Variants in SH3BGR observed in about 807,000 individuals in gnomAD.
The protein encoded by SH3BGR is SH3 domain-binding glutamic acid-rich protein.
Under a neutral mutation model 24.5 loss-of-function variants are expected in SH3BGR, and 29 were observed. That is an observed-to-expected ratio of 1.18 (90% CI 0.88 to 1.61). The LOEUF (loss-of-function observed/expected upper bound fraction) is 1.61. Ranked by LOEUF, SH3BGR falls within the 40% of genes most tolerant of loss-of-function variation. SH3BGR has a pLI of 0.00. For missense variants in SH3BGR, 162 were observed against 205.8 expected, an observed-to-expected ratio of 0.79 and a Z score of 1.30; for synonymous variants, 55 against 65.7, an observed-to-expected ratio of 0.84 and a Z score of 0.79.
intron 4 of SH3BGR, 77 bp from the exon 5 acceptor site, chr21:39,508,921 T>G: frequency 9.1e-7 from 1 of 1,098,750 alleles, no homozygotes; most frequent in Admixed American, 1.9e-5. Flanking sequence ...TTTATTATAG[T>G]TTGCTTGATT....
At chr21:39,480,921 G>T (rs2078119486) in intron 3 of SH3BGR, among the ~76,000 whole-genome samples, 1 of 152,162 alleles carries the variant, frequency 6.6e-6, no homozygotes. Context: ...AATGAATGTG[G>T]TATCTTATTT....
At chr21:39,465,846 C>T (rs184111683) in intron 2 of SH3BGR, among the ~76,000 whole-genome samples, 1 of 152,288 alleles carries the variant, frequency 6.6e-6, no homozygotes, top group African/African-American at 2.4e-5. Context: ...CCCATCTTGC[C>T]TCCCGTAGTG....
chr21:39,451,795 TCG>T (rs2077577909), upstream of SH3BGR: 1 of 1,134,446 alleles, frequency 8.8e-7, no homozygotes, highest in African/African-American at 1.6e-5. Flanking sequence ...GGGACTGTTG[TCG>T]CGCGTTTAAA....
At chr21:39,475,394 C>G (rs893643471) in intron 3 of SH3BGR, among the ~76,000 whole-genome samples, 179 bp downstream of exon 3, 2 of 152,114 alleles carry the variant, frequency 1.3e-5, no homozygotes, top group Non-Finnish European at 2.9e-5. Context: ...AAAAAAAGTT[C>G]CAAAATTATG....
chr21:39,502,819 T>C (rs1307164761), intron 4 of SH3BGR, among the ~76,000 whole-genome samples: 3 of 152,220 alleles, frequency 2.0e-5, no homozygotes. Flanking sequence ...TGGCTGGCCT[T>C]CTGACCGCGG....
intron 4 of SH3BGR, among the ~76,000 whole-genome samples, chr21:39,502,753 C>T (rs2056638264): frequency 6.6e-6 from 1 of 152,198 alleles, no homozygotes; most frequent in Admixed American, 6.5e-5. Context: ...TGCTGTCTGT[C>T]CCTTGGCATG....
At chr21:39,451,170 T>C (rs1273077200), upstream of SH3BGR, among the ~76,000 whole-genome samples, 2 of 152,200 alleles carry the variant, frequency 1.3e-5, no homozygotes, top group Non-Finnish European at 2.9e-5. Context: ...TATTAACATG[T>C]ATAAACACAA....
rs151253630 is a variant in SH3BGR at position 39,507,124 on chromosome 21, G to A, written c.406-1874G>A. On this transcript the variant is annotated intron_variant, in intron 4 of 6. Transcript: ENST00000333634. ...ACCAAAACTTGGGGTGTCACCAGTGGCATTTAACGTAAAGGTTAGTTTGAA... is the reference window on the plus strand; with the variant it reads ...ACCAAAACTTGGGGTGTCACCAGTGACATTTAACGTAAAGGTTAGTTTGAA... Among the ~76,000 whole-genome samples the A allele has an allele frequency of 2.2e-3, 339 of 152,290 alleles. 2 individuals carry two copies. Among genetic ancestry groups the A allele is most frequent in the African/African-American group, 8.0e-3 (331 of 41,566 alleles).
At chr21:39,462,141 A>T (rs965780344) in intron 1 of SH3BGR, among the ~76,000 whole-genome samples, 15 of 152,088 alleles carry the variant, frequency 9.9e-5, no homozygotes, top group Admixed American at 2.0e-4. Context: ...GAGCCATCGC[A>T]CCCAGCCTGA....
intron 1 of SH3BGR, 82 bp downstream of exon 1, chr21:39,452,223 G>GTT (rs2077586677): frequency 1.9e-6 from 3 of 1,563,054 alleles, no homozygotes; most frequent in East Asian, 4.5e-5. Flanking sequence ...TTGGCCTTCA[G>GTT]TTTCTTTTTT....
chr21:39,494,994 AT>A (rs1005478876), intron 3 of SH3BGR, among the ~76,000 whole-genome samples: 2 of 151,302 alleles, frequency 1.3e-5, no homozygotes, highest in Non-Finnish European at 3.0e-5. Context: ...CAGTCTAGTA[AT>A]TTTTTTATTT....
At chr21:39,507,441 C>T (rs2078602186) in intron 4 of SH3BGR, among the ~76,000 whole-genome samples, 1 of 152,140 alleles carries the variant, frequency 6.6e-6, no homozygotes, top group Non-Finnish European at 1.5e-5. Flanking sequence ...TCAAGCGATT[C>T]TCCTGCCTCA....
chr21:39,471,811 G>C (rs74965538), intron 2 of SH3BGR, among the ~76,000 whole-genome samples: 1 of 152,024 alleles, frequency 6.6e-6, no homozygotes, highest in Admixed American at 6.6e-5. Flanking sequence ...TTCTCTTCAC[G>C]TGTGTTTGTT....
chr21:39,497,390 C>T (rs191408562), intron 3 of SH3BGR, among the ~76,000 whole-genome samples: 264 of 151,538 alleles, frequency 1.7e-3, no homozygotes, highest in Admixed American at 3.8e-3. Flanking sequence ...TGGATTAAAG[C>T]TCTAGATATT....
chr21:39,493,658 G>GCCAC (rs1424536417), intron 3 of SH3BGR, among the ~76,000 whole-genome samples: 1 of 152,080 alleles, frequency 6.6e-6, no homozygotes, highest in Non-Finnish European at 1.5e-5. Flanking sequence ...GAGGAATGAT[G>GCCAC]GTGGTATTTT....
Position 39,499,878 on chromosome 21 carries a change from A to C in SH3BGR, c.368A>C (p.Glu123Ala). Reference protein sequence around the residue: ...GETEAQKEGSEDVGNLPEAQE... With the variant: ...GETEAQKEGSADVGNLPEAQE... ...ACTGAGGCACAAAAAGAGGGCAGTG[A>C]AGATGTGGGCAACCTCCCTGAAGCC... The change falls in exon 4 of 7, where the codon GAA becomes GCA. Residue 123 changes from glutamate (E) to alanine (A), a missense_variant. Glu to Ala is a moderately radical substitution (Grantham distance 107). Coordinates refer to ENST00000333634, the MANE Select transcript of SH3BGR (RefSeq NM_007341.3). 6.2e-7 allele frequency: 1 copy of C among 1,614,006 alleles called. No homozygotes were observed. The highest frequency in any genetic ancestry group is 8.5e-7 in the Non-Finnish European group (1 of 1,179,928).
At chr21:39,513,654 CA>C (rs1240825612) in intron 6 of SH3BGR, among the ~76,000 whole-genome samples, 1 of 151,982 alleles carries the variant, frequency 6.6e-6, no homozygotes, top group Non-Finnish European at 1.5e-5. Context: ...CACTTGGTTA[CA>C]ATTCCATTTC....
intron 3 of SH3BGR, among the ~76,000 whole-genome samples, chr21:39,485,346 C>T (rs1201638946): frequency 6.6e-6 from 1 of 152,136 alleles, no homozygotes; most frequent in Non-Finnish European, 1.5e-5. Flanking sequence ...TTTTGAACTC[C>T]AGAGGAATCG....
chr21:39,497,181 T>A lies in SH3BGR; in HGVS notation c.313-2642T>A, dbSNP rs553709324. On this transcript the variant is annotated intron_variant, in intron 3 of 6. Transcript: ENST00000333634. ...TGTTTATATAAAATATTTTAATTTTTATTTTCATTGTATCAGTATTTATAT... is the reference window on the plus strand; with the variant it reads ...TGTTTATATAAAATATTTTAATTTTAATTTTCATTGTATCAGTATTTATAT... Among the ~76,000 whole-genome samples, 22 of 150,624 alleles carry A rather than the reference T, an allele frequency of 1.5e-4. No homozygotes were observed. The South Asian group carries it at 2.7e-3, about 18-fold the overall frequency.
Sources: gnomAD v4.1 joint callset for allele counts (sites outside exome capture counted in the v4.1 genomes callset) on GRCh38, gnomAD v4.1.1 for gene constraint, MANE v1.5 for transcripts, NCBI Gene and HGNC (gene_info 2026-07-23, HGNC 2026-07-21) for gene names.